ZC3H13: variants seen among roughly 807,000 people sequenced by gnomAD.
ZC3H13 encodes the protein zinc finger CCCH-type containing 13, also known as zinc finger CCCH domain-containing protein 13.
Under a neutral mutation model 204.1 loss-of-function variants are expected in ZC3H13, and 64 were observed. The ratio of observed to expected loss-of-function variants is 0.31; its 90% CI spans 0.26 to 0.39. The LOEUF (loss-of-function observed/expected upper bound fraction) is 0.39. Ranked by LOEUF, ZC3H13 falls within the 10% of genes least tolerant of loss-of-function variation. The probability of loss-of-function intolerance (pLI) is 1.00; values close to 1 mark genes in which losing one functional copy is unlikely to be tolerated. For synonymous variants in ZC3H13, 667 were observed against 693.7 expected (o/e 0.96, Z 0.60); for missense variants, 1,833 against 2,082.7 (o/e 0.88, Z 2.33).
At chr13:45,981,985 T>A (rs1023541487) in intron 10 of ZC3H13, among the ~76,000 whole-genome samples, 1 of 151,242 alleles carries the variant, frequency 6.6e-6, no homozygotes, top group Admixed American at 6.6e-5. Context: ...AACCTGCACA[T>A]TGTGCACATG....
Position 45,969,938 on chromosome 13 carries a change from C to T in ZC3H13, c.2606G>A (p.Arg869Gln), listed in dbSNP as rs370946362. The T allele has an allele frequency of 1.4e-5, 22 of 1,612,208 alleles. No homozygotes were observed. The highest frequency in any genetic ancestry group is 4.0e-5 in the African/African-American group (3 of 74,738). ...ACTAAGAGAACGAGATTCTTGAGGTCGTACAACTTGGCTCAAGAGTCTGTG... is the reference window on the plus strand; with the variant it reads ...ACTAAGAGAACGAGATTCTTGAGGTTGTACAACTTGGCTCAAGAGTCTGTG... ...EKHRLLSQVV[R>Q]PQESRSLSPS... Residue 869 changes from arginine to glutamine, a missense_variant, in exon 14 of 19, where the codon CGA becomes CAA. By Grantham distance (43) the Arg-to-Gln change is conservative. Coordinates refer to ENST00000679008, the MANE Select transcript of ZC3H13 (RefSeq NM_001330564.2).
At chr13:46,001,882 T>C (rs1489673117) in intron 8 of ZC3H13, among the ~76,000 whole-genome samples, 2 of 151,496 alleles carry the variant, frequency 1.3e-5, no homozygotes, top group African/African-American at 4.9e-5. Flanking sequence ...TAAGAAAACA[T>C]ACTTAAGAAC....
intron 4 of ZC3H13, among the ~76,000 whole-genome samples, chr13:46,041,049 C>G (rs1036015708): frequency 2.6e-5 from 4 of 152,130 alleles, no homozygotes; most frequent in African/African-American, 7.2e-5. Context: ...CACACAGTTA[C>G]CGTAGAACTT....
intron 4 of ZC3H13, among the ~76,000 whole-genome samples, chr13:46,035,319 C>T (rs1464963813): frequency 2.0e-5 from 3 of 152,178 alleles, no homozygotes; most frequent in African/African-American, 7.2e-5. Flanking sequence ...AAAGACATCC[C>T]TGCTGTGCCC....
At chr13:46,044,276 T>C (rs932745620) in intron 3 of ZC3H13, among the ~76,000 whole-genome samples, 8 of 152,052 alleles carry the variant, frequency 5.3e-5, no homozygotes, top group Admixed American at 1.3e-4. Context: ...CTAGGTAAAT[T>C]ATTTCTTTAC....
intron 8 of ZC3H13, among the ~76,000 whole-genome samples, chr13:46,001,775 A>C (rs1386792956): frequency 8.4e-5 from 1 of 11,900 alleles, no homozygotes; most frequent in Non-Finnish European, 1.4e-4. Flanking sequence ...CAATCACCAA[A>C]AACATTTATT....
At chr13:45,962,959 T>C in intron 17 of ZC3H13, 1 of 985,414 alleles carries the variant, frequency 1.0e-6, no homozygotes, top group Non-Finnish European at 1.2e-6. Context: ...ATCCATAAGC[T>C]AGATAATCTG....
chr13:46,003,464 A>G (rs1461506785), intron 7 of ZC3H13, 128 bp from the exon 8 acceptor site: 16 of 751,282 alleles, frequency 2.1e-5, no homozygotes, highest in Non-Finnish European at 2.0e-6. Flanking sequence ...CTACTAACCA[A>G]TATCAAGAAG....
intron 1 of ZC3H13, among the ~76,000 whole-genome samples, chr13:46,049,988 T>G (rs932872622): frequency 2.0e-4 from 30 of 152,186 alleles, no homozygotes; most frequent in African/African-American, 6.0e-4. Context: ...CATCATCAAG[T>G]CTTTCTCAAA....
Position 46,049,150 on chromosome 13 carries a change from CA to C in ZC3H13, c.-10+3253del, listed in dbSNP as rs58915210. 5.1e-3 allele frequency among the ~76,000 whole-genome samples: 472 copies of C among 91,846 alleles called. 1 individual carries two copies. Among genetic ancestry groups the C allele is most frequent in the African/African-American group, 0.014 (321 of 22,696 alleles). The allele number at this position is 91,846 out of a possible 152,430, so 60.3% of individuals were successfully genotyped here. On this transcript the variant is annotated intron_variant, in intron 1 of 18. Coordinates refer to ENST00000679008, the MANE Select transcript of ZC3H13 (RefSeq NM_001330564.2). ...CTGGCAACAGAGGGAGACTCCGTCTCAAAAAAAAAAAAAAAAAAGATGTACT... is the reference window on the plus strand; with the variant it reads ...CTGGCAACAGAGGGAGACTCCGTCTCAAAAAAAAAAAAAAAAAGATGTACT...
In ZC3H13 at chr13:45,964,075, C is replaced by T. The variant is rs552490896; in HGVS notation, c.4475-33G>A. The T allele has an allele frequency of 6.1e-5, 96 of 1,580,046 alleles. No individual in the cohort carries two copies. The South Asian group carries it at 7.4e-4, about 12-fold the overall frequency. The stretch of plus-strand genomic sequence containing the variant: ...AAGTTAAAAAGTAAGATTTGTTTTA[C>T]ACCAAGAAATAGCAGTCTTGTTATC... On this transcript the variant is annotated intron_variant, in intron 16 of 18. Coordinates refer to ENST00000679008, the MANE Select transcript of ZC3H13 (RefSeq NM_001330564.2).
At chr13:45,966,149 G>T (rs1456963350) in intron 15 of ZC3H13, among the ~76,000 whole-genome samples, 8 of 152,026 alleles carry the variant, frequency 5.3e-5, no homozygotes, top group African/African-American at 1.4e-4. Flanking sequence ...TGAGTTAGTT[G>T]TGAACTTAAT....
intron 1 of ZC3H13, 91 bp from the exon 2 acceptor site, chr13:46,045,607 AAC>A: frequency 1.2e-6 from 1 of 847,990 alleles, no homozygotes; most frequent in Non-Finnish European, 1.9e-6. Flanking sequence ...AACTATAGGT[AAC>A]AGTGTAAAAT....
intron 9 of ZC3H13, among the ~76,000 whole-genome samples, chr13:45,985,977 T>TAACTATACTGCCCCAACTC (rs1954154588): frequency 6.6e-6 from 1 of 152,158 alleles, no homozygotes; most frequent in Admixed American, 6.5e-5. Flanking sequence ...TGCCCCAACT[T>TAACTATACTGCCCCAACTC]ACCTATACTG....
chr13:45,998,168 G>A (rs962928665), intron 8 of ZC3H13, among the ~76,000 whole-genome samples: 3 of 152,082 alleles, frequency 2.0e-5, no homozygotes, highest in Non-Finnish European at 4.4e-5. Flanking sequence ...TCTGAAGACA[G>A]TGACAAAGAT....
intron 9 of ZC3H13, among the ~76,000 whole-genome samples, chr13:45,987,238 A>T (rs1012336829): frequency 6.6e-6 from 1 of 152,208 alleles, no homozygotes; most frequent in African/African-American, 2.4e-5. Flanking sequence ...CCCGTATGGA[A>T]AGTTAAACAG....
Position 45,959,560 on chromosome 13 carries a change from T to C in ZC3H13, c.4762A>G (p.Asn1588Asp), listed in dbSNP as rs1951525680. Residue 1588 changes from asparagine (N) to aspartate (D), a missense_variant, in exon 18 of 19, where the codon AAT (asparagine) becomes GAT (aspartate). Around this residue, in one of 5 missense-constraint regions of ZC3H13, gnomAD observed 211 missense variants for 228.4 expected, o/e 0.92. Coordinates refer to ENST00000679008, the MANE Select transcript of ZC3H13 (RefSeq NM_001330564.2). Reference protein sequence around the residue: ...RKEERASLLSNLGPCCKALCF... With the variant: ...RKEERASLLSDLGPCCKALCF... Reference sequence around the variant, plus strand: ...AACGCCTTACAACATGGGCCAAGATTACTAAGAAGACTTGCTCTTTCTTCT... The same window carrying C: ...AACGCCTTACAACATGGGCCAAGATCACTAAGAAGACTTGCTCTTTCTTCT... 6.5e-7 allele frequency: 1 copy of C among 1,549,276 alleles called. No individual in the cohort carries two copies. The highest frequency in any genetic ancestry group is 2.0e-5 in the Admixed American group (1 of 50,788).
At chr13:45,980,520 A>G (rs895480370) in intron 10 of ZC3H13, among the ~76,000 whole-genome samples, 3 of 152,232 alleles carry the variant, frequency 2.0e-5, no homozygotes, top group Admixed American at 6.5e-5. Flanking sequence ...TGCAAAGTAC[A>G]CTAATGTCTT....
At position 45,965,346 on chromosome 13, in the gene ZC3H13, G is replaced by GTTCGTC. The variant is rs1331900500; in HGVS notation, c.4402_4407dup (p.Asp1468_Glu1469dup). 1.2e-6 allele frequency: 2 copies of GTTCGTC among 1,613,618 alleles called. No individual in the cohort carries two copies. Among genetic ancestry groups the GTTCGTC allele is most frequent in the Non-Finnish European group, 1.7e-6 (2 of 1,179,754 alleles). ...GCATCACCTGCCAGAATTTCATCTA[G>GTTCGTC]TTCGTCATCACTGATTGGCTCGTAT... On this transcript the variant is annotated inframe_insertion, in exon 16 of 19. Coordinates refer to ENST00000679008, the MANE Select transcript of ZC3H13 (RefSeq NM_001330564.2).
Sources: gnomAD v4.1 joint callset for allele counts (sites outside exome capture counted in the v4.1 genomes callset) on GRCh38, gnomAD v4.1.1 for gene constraint, gnomAD v4.1.1 regional missense constraint, MANE v1.5 for transcripts, NCBI Gene and HGNC (gene_info 2026-07-23, HGNC 2026-07-21) for gene names.